Variants in HTATIP2 observed in about 807,000 individuals in gnomAD.
The protein encoded by HTATIP2 is HIV-1 Tat interactive protein 2.
A neutral mutation model predicts 24.7 loss-of-function variants in HTATIP2; 26 were observed. That is an observed-to-expected ratio of 1.05 (90% CI 0.77 to 1.46). The LOEUF (loss-of-function observed/expected upper bound fraction) is 1.46. Ranked by LOEUF, HTATIP2 falls within the 40% of genes most tolerant of loss-of-function variation. The probability of loss-of-function intolerance (pLI) is 0.00; values close to 1 mark genes in which losing one functional copy is unlikely to be tolerated. For missense variants in HTATIP2, 284 were observed against 289.6 expected, an observed-to-expected ratio of 0.98 and a Z score of 0.14; for synonymous variants, 99 against 113.2, an observed-to-expected ratio of 0.87 and a Z score of 0.79.
At chr11:20,372,596 C>A (rs1002383923) in intron 2 of HTATIP2, among the ~76,000 whole-genome samples, 1 of 152,122 alleles carries the variant, frequency 6.6e-6, no homozygotes, top group Non-Finnish European at 1.5e-5. Context: ...TAGAGCAGGA[C>A]ACATTGGCTA....
Position 20,383,399 on chromosome 11 carries a change from C to A in HTATIP2, c.*194C>A. The stretch of plus-strand genomic sequence containing the variant: ...TTATACATATAGATCACTCAGGGAG[C>A]TTTGGAAAAATAAAGATTTGTCAGC... On this transcript the variant is annotated 3_prime_UTR_variant, in exon 5 of 5. Coordinates refer to ENST00000451739, the MANE Select transcript of HTATIP2 (RefSeq NM_001098522.2). The A allele has an allele frequency of 1.9e-6, 1 of 532,310 alleles. No individual in the cohort carries two copies. The highest frequency in any genetic ancestry group is 3.3e-6 in the Non-Finnish European group (1 of 303,730). 33.0% of individuals were successfully genotyped at this position (532,310 alleles called of 1,614,324 possible).
intron 1 of HTATIP2, among the ~76,000 whole-genome samples, chr11:20,365,558 G>T (rs1286636800): frequency 6.6e-6 from 1 of 152,226 alleles, no homozygotes; most frequent in East Asian, 1.9e-4. Flanking sequence ...TCAGGTCATG[G>T]TGTGAATGCC....
chr11:20,363,928 A>G lies in HTATIP2; in HGVS notation c.-310A>G. The G allele has an allele frequency of 1.6e-6, 2 of 1,242,300 alleles. No homozygotes were observed. Among genetic ancestry groups the G allele is most frequent in the East Asian group, 3.2e-5 (1 of 31,684 alleles). The allele number at this position is 1,242,300 out of a possible 1,614,324, so 77.0% of individuals were successfully genotyped here. ...CTGGCCCCAGGTAACCCCTCCGCGT[A>G]TGGGACCGAGCTGGGCCAGGTCTCC... On this transcript the variant is annotated 5_prime_UTR_variant, in exon 1 of 5. An upstream start codon of the reference 5' UTR is lost. Coordinates refer to ENST00000451739, the MANE Select transcript of HTATIP2 (RefSeq NM_001098522.2).
At chr11:20,376,387 T>A in intron 2 of HTATIP2, 193 bp from the exon 3 acceptor site, 1 of 592,914 alleles carries the variant, frequency 1.7e-6, no homozygotes, top group Non-Finnish European at 2.9e-6. Context: ...CTGCTAAAGC[T>A]GGTGTGCCTA....
At chr11:20,377,042 G>A (rs1848456724) in intron 3 of HTATIP2, among the ~76,000 whole-genome samples, 1 of 152,148 alleles carries the variant, frequency 6.6e-6, no homozygotes, top group Non-Finnish European at 1.5e-5. Flanking sequence ...CCTAATGACT[G>A]AGCGGAAAGA....
intron 3 of HTATIP2, among the ~76,000 whole-genome samples, chr11:20,377,334 C>A (rs968911320): frequency 2.6e-5 from 4 of 152,166 alleles, no homozygotes; most frequent in Non-Finnish European, 5.9e-5. Flanking sequence ...CAGCCCATCT[C>A]AGCCTCCCAA....
At chr11:20,380,384 A>T (rs1020958375) in intron 3 of HTATIP2, among the ~76,000 whole-genome samples, 1 of 152,188 alleles carries the variant, frequency 6.6e-6, no homozygotes, top group African/African-American at 2.4e-5. Context: ...TAAAAAGCTA[A>T]GAAATGGGCT....
chr11:20,383,477 A>C lies in HTATIP2; in HGVS notation c.*272A>C, dbSNP rs183794581. On this transcript the variant is annotated 3_prime_UTR_variant, in exon 5 of 5. Transcript: ENST00000451739. ...TGGGGTGTGGGCACAATAATCTGTA[A>C]TTTTCTTTGTTTATACTTCCCCTGA... The C allele has an allele frequency of 1.5e-5, 6 of 409,078 alleles. No homozygotes were observed. In the East Asian group the frequency reaches 2.6e-4, roughly 18 times the overall value. 25.3% of individuals were successfully genotyped at this position (409,078 alleles called of 1,614,324 possible).
chr11:20,372,965 G>T (rs1415352616), intron 2 of HTATIP2, among the ~76,000 whole-genome samples: 2 of 152,142 alleles, frequency 1.3e-5, no homozygotes, highest in African/African-American at 2.4e-5. Context: ...CAGCTAAAAG[G>T]CCACGCCATC....
intron 2 of HTATIP2, among the ~76,000 whole-genome samples, chr11:20,367,833 G>A (rs1425081989): frequency 6.6e-6 from 1 of 152,114 alleles, no homozygotes; most frequent in Non-Finnish European, 1.5e-5. Context: ...GTCTTTTAAC[G>A]CACATTTTAT....
intron 4 of HTATIP2, 60 bp from the exon 5 acceptor site, chr11:20,382,920 C>T: frequency 7.9e-7 from 1 of 1,268,116 alleles, no homozygotes; most frequent in Non-Finnish European, 1.1e-6. Flanking sequence ...ACTGTGGTCT[C>T]AGTGCAATTT....
At chr11:20,368,397 T>G (rs1319366016) in intron 2 of HTATIP2, among the ~76,000 whole-genome samples, 2 of 152,222 alleles carry the variant, frequency 1.3e-5, no homozygotes, top group African/African-American at 4.8e-5. Context: ...TCAAGATGTA[T>G]TTCCATACCT....
intron 2 of HTATIP2, among the ~76,000 whole-genome samples, chr11:20,369,832 T>TG (rs2064752464): frequency 6.6e-6 from 1 of 152,202 alleles, no homozygotes; most frequent in African/African-American, 2.4e-5. Context: ...ATACGCATTT[T>TG]GGGGGGATGT....
intron 1 of HTATIP2, among the ~76,000 whole-genome samples, chr11:20,366,755 A>AT: frequency 6.6e-6 from 1 of 152,200 alleles, no homozygotes; most frequent in African/African-American, 2.4e-5. Context: ...GTAGTGTATG[A>AT]TGAATAATTT....
chr11:20,372,480 G>A (rs934029138), intron 2 of HTATIP2, among the ~76,000 whole-genome samples: 10 of 152,236 alleles, frequency 6.6e-5, no homozygotes, highest in African/African-American at 2.4e-4. Context: ...TCTACTGAGT[G>A]TAGTATACTG....
chr11:20,376,043 T>C (rs1002602192), intron 2 of HTATIP2: 3 of 152,904 alleles, frequency 2.0e-5, no homozygotes, highest in African/African-American at 7.2e-5. Context: ...CAAACACTTT[T>C]GACTAGAGAC....
intron 2 of HTATIP2, among the ~76,000 whole-genome samples, chr11:20,371,548 C>T (rs1179208930): frequency 6.6e-6 from 1 of 152,160 alleles, no homozygotes; most frequent in East Asian, 1.9e-4. Context: ...CCTCCCACCT[C>T]AGCCTCCCAA....
chr11:20,365,311 A>C lies in HTATIP2; in HGVS notation c.195+879A>C, dbSNP rs192942010. 5.3e-5 allele frequency among the ~76,000 whole-genome samples: 8 copies of C among 152,320 alleles called. No homozygotes were observed. The East Asian group carries it at 1.5e-3, about 29-fold the overall frequency. Reference sequence around the variant, plus strand: ...GCCTAAGTTACACTTTTATGATTATAGGAATGATATACCAGACTTCTGTCT... The same window carrying C: ...GCCTAAGTTACACTTTTATGATTATCGGAATGATATACCAGACTTCTGTCT... On this transcript the variant is annotated intron_variant, in intron 1 of 4. Coordinates refer to ENST00000451739, the MANE Select transcript of HTATIP2 (RefSeq NM_001098522.2).
At chr11:20,376,521 T>G in intron 2 of HTATIP2, 59 bp from the exon 3 acceptor site, 3 of 1,597,478 alleles carry the variant, frequency 1.9e-6, no homozygotes, top group Non-Finnish European at 2.6e-6. Context: ...AGCCAAGTAG[T>G]AATCTTTAAG....
Sources: gnomAD v4.1 joint callset for allele counts (sites outside exome capture counted in the v4.1 genomes callset) on GRCh38, gnomAD v4.1.1 for gene constraint, MANE v1.5 for transcripts, NCBI Gene and HGNC (gene_info 2026-07-23, HGNC 2026-07-21) for gene names.